Variants in VDAC1 observed in about 807,000 individuals in gnomAD.
VDAC1 encodes voltage dependent anion channel 1, also known as non-selective voltage-gated ion channel VDAC1.
VDAC1 carries 10 observed loss-of-function variants against 34.7 expected under a neutral mutation model. The ratio of observed to expected loss-of-function variants is 0.29; its 90% CI spans 0.18 to 0.49. The LOEUF is 0.49. Ranked by LOEUF, VDAC1 falls within the 20% of genes least tolerant of loss-of-function variation. VDAC1 has a pLI of 0.99. For missense variants in VDAC1, 230 were observed against 347.9 expected (o/e 0.66, Z 2.69); for synonymous variants, 130 against 136.0 (o/e 0.96, Z 0.30).
At chr5:134,080,376 C>T in the VDAC1 span, among the ~76,000 whole-genome samples, 1 of 152,236 alleles carries the variant, frequency 6.6e-6, no homozygotes, top group Non-Finnish European at 1.5e-5. Flanking sequence ...AAAAGCTGGC[C>T]TGCATTGCGT....
chr5:134,077,146 G>A, the VDAC1 span, among the ~76,000 whole-genome samples: 7 of 151,812 alleles, frequency 4.6e-5, no homozygotes, highest in South Asian at 2.1e-4. Flanking sequence ...GCGTGGTGGC[G>A]TGCACCTGTA....
At chr5:133,980,689 A>AGGCCC in intron 6 of VDAC1, 40 bp downstream of exon 6, 13 of 564,056 alleles carry the variant, frequency 2.3e-5, no homozygotes, top group Non-Finnish European at 3.7e-5. Flanking sequence ...ACATGCTCCA[A>AGGCCC]CCCCACCCCT....
At chr5:134,077,178 G>A in the VDAC1 span, among the ~76,000 whole-genome samples, 577 of 150,658 alleles carry the variant, frequency 3.8e-3, 6 homozygotes, top group African/African-American at 0.013. Context: ...TTGGGAGGCT[G>A]AGGCACAGGA....
the VDAC1 span, among the ~76,000 whole-genome samples, chr5:134,055,721 C>T: frequency 7.0e-6 from 1 of 143,058 alleles, no homozygotes; most frequent in Non-Finnish European, 1.5e-5. Context: ...AGCCACCGCG[C>T]CCGGCTGCTT....
chr5:134,065,015 C>T, the VDAC1 span, among the ~76,000 whole-genome samples: 8 of 152,060 alleles, frequency 5.3e-5, no homozygotes, highest in African/African-American at 1.4e-4. Context: ...CCACCATGCC[C>T]GGCCTTAGTT....
the VDAC1 span, among the ~76,000 whole-genome samples, chr5:134,061,689 A>G: frequency 2.0e-5 from 3 of 151,766 alleles, no homozygotes; most frequent in South Asian, 6.2e-4. Context: ...TTTTTTATGA[A>G]GACAATCATG....
In VDAC1 at chr5:133,992,262, AAAAT is replaced by A. The variant is rs753896378; in HGVS notation, c.117+40_117+43del. 27 of 1,332,048 alleles carry A rather than the reference AAAAT, an allele frequency of 2.0e-5. No homozygotes were observed. In the Admixed American group the frequency reaches 7.8e-4, roughly 39 times the overall value. 82.5% of individuals were successfully genotyped at this position (1,332,048 alleles called of 1,614,324 possible). A position where few individuals can be genotyped will look rare whatever the true frequency, so the allele number is the denominator to read the frequency against. On this transcript the variant is annotated intron_variant, in intron 3 of 8. Coordinates refer to ENST00000265333, the MANE Select transcript of VDAC1 (RefSeq NM_003374.3). ...AAAAATAAATAAATAAAATAAAATA[AAAAT>A]AAATAAATACTCATGTTCCATGTGG... is the stretch of plus-strand genomic sequence containing the variant.
At chr5:134,088,650 C>T in the VDAC1 span, among the ~76,000 whole-genome samples, 1 of 152,214 alleles carries the variant, frequency 6.6e-6, no homozygotes, top group Admixed American at 6.5e-5. Context: ...AAATGTATAA[C>T]TTAATGAATT....
chr5:134,048,137 T>G, the VDAC1 span, among the ~76,000 whole-genome samples: 345 of 151,788 alleles, frequency 2.3e-3, 1 homozygote, highest in African/African-American at 7.8e-3. Context: ...CCTGCTAACT[T>G]TTTCTATTTT....
At chr5:134,083,433 G>T in the VDAC1 span, among the ~76,000 whole-genome samples, 1 of 152,066 alleles carries the variant, frequency 6.6e-6, no homozygotes, top group South Asian at 2.1e-4. Flanking sequence ...CAAGTGATTC[G>T]CCAGCCTTGG....
At chr5:134,108,755 C>T in the VDAC1 span, among the ~76,000 whole-genome samples, 1 of 152,128 alleles carries the variant, frequency 6.6e-6, no homozygotes, top group South Asian at 2.1e-4. Flanking sequence ...TGAAAAGGTG[C>T]CATTCTAGGC....
chr5:133,991,241 C>T (rs1580722836), intron 3 of VDAC1, 87 bp from the exon 4 acceptor site: 1 of 1,535,362 alleles, frequency 6.5e-7, no homozygotes, highest in Non-Finnish European at 8.8e-7. Flanking sequence ...TGCCTTTCTG[C>T]AAGAGGCAAG....
the VDAC1 span, among the ~76,000 whole-genome samples, chr5:134,041,497 C>G: frequency 2.6e-5 from 4 of 152,186 alleles, no homozygotes; most frequent in Admixed American, 2.6e-4. Context: ...AGGTGCTTAT[C>G]CAATGGTCCC....
At chr5:134,075,513 C>T in the VDAC1 span, among the ~76,000 whole-genome samples, 8 of 152,354 alleles carry the variant, frequency 5.3e-5, no homozygotes, top group East Asian at 1.2e-3. Context: ...GTTATTCACA[C>T]TACTATTCAT....
chr5:134,039,025 TTC>T, the VDAC1 span, among the ~76,000 whole-genome samples: 2 of 152,200 alleles, frequency 1.3e-5, no homozygotes, highest in Non-Finnish European at 2.9e-5. Flanking sequence ...ATTTACAACA[TTC>T]TGTATTGTGG....
At chr5:133,985,660 G>T (rs56738280) in intron 5 of VDAC1, among the ~76,000 whole-genome samples, 7 of 152,112 alleles carry the variant, frequency 4.6e-5, no homozygotes, top group African/African-American at 1.7e-4. Flanking sequence ...CAAGAAAAAA[G>T]AAAAAGAAAC....
intron 6 of VDAC1, 135 bp downstream of exon 6, chr5:133,980,594 C>T: frequency 1.3e-6 from 1 of 765,084 alleles, no homozygotes; most frequent in Admixed American, 3.0e-5. Context: ...CATCTAATGC[C>T]AACAAACTCA....
At chr5:134,103,213 CCAGGCTCAAGCCATCCGCCCACCT>C in the VDAC1 span, among the ~76,000 whole-genome samples, 1 of 152,158 alleles carries the variant, frequency 6.6e-6, no homozygotes, top group Non-Finnish European at 1.5e-5. Flanking sequence ...CCTCCACCTC[CCAGGCTCAAGCCATCCGCCCACCT>C]CAGCCTCCCG....
At chr5:134,075,602 G>C in the VDAC1 span, among the ~76,000 whole-genome samples, 2 of 151,996 alleles carry the variant, frequency 1.3e-5, no homozygotes, top group Non-Finnish European at 2.9e-5. Flanking sequence ...TTTTGTTTTT[G>C]AGACAGAGTC....
Sources: allele counts gnomAD v4.1 joint callset (sites outside exome capture counted in the v4.1 genomes callset), GRCh38; gene constraint gnomAD v4.1.1; transcripts MANE v1.5; gene names NCBI Gene and HGNC (gene_info 2026-07-23, HGNC 2026-07-21).